PCDH15: variants seen among roughly 807,000 people sequenced by gnomAD.
PCDH15 encodes protocadherin-15.
PCDH15 carries 129 observed loss-of-function variants against 178.5 expected under a neutral mutation model. The observed-to-expected ratio is 0.72, with a 90% confidence interval of 0.63 to 0.84. The LOEUF (loss-of-function observed/expected upper bound fraction) is 0.84. Ranked by LOEUF, PCDH15 falls within the 40% of genes least tolerant of loss-of-function variation. The pLI is 0.00. For missense variants in PCDH15, 2,230 were observed against 2,099.9 expected (o/e 1.06, Z -1.21); for synonymous variants, 800 against 732.0 (o/e 1.09, Z -1.50).
intron 2 of PCDH15, among the ~76,000 whole-genome samples, chr10:54,626,944 G>C (rs1218034427): frequency 5.3e-5 from 8 of 152,200 alleles, no homozygotes; most frequent in Non-Finnish European, 1.2e-4. Flanking sequence ...CCATCAGTGT[G>C]ACCTGGATGT....
chr10:55,065,039 C>T (rs1037965822), intron 2 of PCDH15, among the ~76,000 whole-genome samples: 1 of 151,976 alleles, frequency 6.6e-6, no homozygotes, highest in Non-Finnish European at 1.5e-5. Flanking sequence ...AAATATTCAG[C>T]CAGCTAATTA....
chr10:55,297,760 G>C (rs1227878913), intron 1 of PCDH15, among the ~76,000 whole-genome samples: 2 of 152,054 alleles, frequency 1.3e-5, no homozygotes, highest in Non-Finnish European at 2.9e-5. Flanking sequence ...CTAGTAAGGG[G>C]CTGGGGCATG....
intron 6 of PCDH15, among the ~76,000 whole-genome samples, chr10:54,337,940 T>C (rs1941507788): frequency 6.6e-6 from 1 of 152,238 alleles, no homozygotes; most frequent in Admixed American, 6.5e-5. Flanking sequence ...ATCCATGGTT[T>C]GAAAACTGTT....
intron 8 of PCDH15, among the ~76,000 whole-genome samples, chr10:54,313,183 T>C (rs935679186): frequency 4.6e-5 from 7 of 152,098 alleles, no homozygotes; most frequent in African/African-American, 1.7e-4. Context: ...AAGAATCCAC[T>C]ATCCTTAGGA....
intron 2 of PCDH15, among the ~76,000 whole-genome samples, chr10:54,647,868 G>T (rs183206404): frequency 1.3e-5 from 2 of 151,954 alleles, no homozygotes; most frequent in Admixed American, 6.6e-5. Flanking sequence ...CCTGAGTTGG[G>T]ATAGGTCCTG....
At chr10:53,911,783 G>A (rs1036268124) in intron 25 of PCDH15, among the ~76,000 whole-genome samples, 2 of 152,166 alleles carry the variant, frequency 1.3e-5, no homozygotes, top group African/African-American at 4.8e-5. Context: ...AACAGGCTCT[G>A]AAATTGAGGC....
intron 2 of PCDH15, among the ~76,000 whole-genome samples, chr10:55,405,281 C>CAAATATATATATATATATATAT (rs1838169202): frequency 1.5e-5 from 1 of 64,764 alleles, no homozygotes; most frequent in Non-Finnish European, 3.4e-5. Flanking sequence ...TGTGAGGTAA[C>CAAATATATATATATATATATAT]AGATATATAT....
intron 2 of PCDH15, among the ~76,000 whole-genome samples, chr10:54,529,378 C>T (rs1032387805): frequency 2.6e-5 from 4 of 152,040 alleles, no homozygotes; most frequent in African/African-American, 9.7e-5. Context: ...GCTGATCTCC[C>T]AGAAGTCTTG....
At chr10:54,916,538 C>CTT (rs1837341864) in intron 2 of PCDH15, among the ~76,000 whole-genome samples, 2 of 152,028 alleles carry the variant, frequency 1.3e-5, no homozygotes, top group African/African-American at 4.8e-5. Context: ...TTGTTTAAAA[C>CTT]AAAACATTTT....
At chr10:54,315,779 A>T (rs2061218714) in intron 8 of PCDH15, among the ~76,000 whole-genome samples, 1 of 152,136 alleles carries the variant, frequency 6.6e-6, no homozygotes, top group Admixed American at 6.6e-5. Flanking sequence ...CATTTACTGA[A>T]TAGGAAGTCT....
intron 3 of PCDH15, among the ~76,000 whole-genome samples, chr10:54,438,570 G>C (rs2075591774): frequency 6.6e-6 from 1 of 152,030 alleles, no homozygotes; most frequent in African/African-American, 2.4e-5. Context: ...ATCAAAAGCT[G>C]CCTCAACGAG....
chr10:53,853,359 A>T (rs190150211), intron 28 of PCDH15, among the ~76,000 whole-genome samples: 104 of 152,172 alleles, frequency 6.8e-4, no homozygotes, highest in African/African-American at 2.4e-3. Context: ...ACTGGATTTG[A>T]CAACGATTTA....
intron 1 of PCDH15, among the ~76,000 whole-genome samples, chr10:54,729,404 A>G (rs1488587254): frequency 6.6e-6 from 1 of 151,662 alleles, no homozygotes; most frequent in Admixed American, 6.6e-5. Context: ...CTTTCACCAC[A>G]TATAAAAATG....
chr10:55,608,279 G>A (rs1449571046), intron 2 of PCDH15, among the ~76,000 whole-genome samples: 2 of 151,178 alleles, frequency 1.3e-5, no homozygotes, highest in African/African-American at 2.4e-5. Flanking sequence ...GGAAGAGATA[G>A]GGAAGGGAAG....
At chr10:54,688,894 A>AG (rs1295969312) in intron 1 of PCDH15, among the ~76,000 whole-genome samples, 1 of 152,156 alleles carries the variant, frequency 6.6e-6, no homozygotes, top group East Asian at 1.9e-4. Context: ...TGAGAAGATC[A>AG]GGATCAGTCA....
At chr10:55,586,830 A>T (rs1383981730) in intron 2 of PCDH15, among the ~76,000 whole-genome samples, 3 of 152,144 alleles carry the variant, frequency 2.0e-5, no homozygotes, top group Non-Finnish European at 4.4e-5. Flanking sequence ...TTATACCTCA[A>T]TAATTATCTG....
Position 54,693,564 on chromosome 10 carries a change from C to A in PCDH15, c.-28-29274G>T, listed in dbSNP as rs2095167858. Among the ~76,000 whole-genome samples, 3 of 152,094 alleles carry A rather than the reference C, an allele frequency of 2.0e-5. No homozygotes were observed. The South Asian group carries it at 6.2e-4, about 31-fold the overall frequency. On this transcript the variant is annotated intron_variant, in intron 1 of 37. Coordinates refer to ENST00000644397, the MANE Select transcript of PCDH15 (RefSeq NM_001384140.1). ...AGAGTCATGTTAAGTTGCTGACTATCTAACTTGGTTTCTGAATGATAAAGT... is the reference window on the plus strand; with the variant it reads ...AGAGTCATGTTAAGTTGCTGACTATATAACTTGGTTTCTGAATGATAAAGT...
chr10:55,276,185 C>G (rs1306665075), intron 1 of PCDH15, among the ~76,000 whole-genome samples: 1 of 150,296 alleles, frequency 6.7e-6, no homozygotes, highest in Admixed American at 6.6e-5. Flanking sequence ...AAAAACGTAA[C>G]TTTTTTCTTA....
At chr10:54,928,055 T>C (rs1259739392) in intron 2 of PCDH15, among the ~76,000 whole-genome samples, 1 of 152,144 alleles carries the variant, frequency 6.6e-6, no homozygotes, top group Non-Finnish European at 1.5e-5. Flanking sequence ...CTTAAGTGTG[T>C]TCTTGTAGTG....
Sources: gnomAD v4.1 joint callset for allele counts (sites outside exome capture counted in the v4.1 genomes callset) on GRCh38, gnomAD v4.1.1 for gene constraint, MANE v1.5 for transcripts, NCBI Gene and HGNC (gene_info 2026-07-23, HGNC 2026-07-21) for gene names.